Variants in SIX4 observed in about 807,000 individuals in gnomAD.
SIX4 encodes the protein SIX homeobox 4, also known as homeobox protein SIX4.
A neutral mutation model predicts 51.5 loss-of-function variants in SIX4; 23 were observed. The observed-to-expected ratio is 0.45, with a 90% CI of 0.32 to 0.63. The LOEUF is 0.63. SIX4 is among the 30% of genes least tolerant of loss of function. The pLI, the probability that SIX4 is intolerant of heterozygous loss-of-function variation, is 0.04. For missense variants in SIX4, 867 were observed against 984.0 expected (o/e 0.88, Z 1.59); for synonymous variants, 413 against 417.3 (o/e 0.99, Z 0.13).
In SIX4 at chr14:60,719,580, A is replaced by G. The variant is rs1341449605; in HGVS notation, c.1549+180T>C. Among the ~76,000 whole-genome samples, 1 of 152,204 alleles carries G rather than the reference A, an allele frequency of 6.6e-6. No homozygotes were observed. Among genetic ancestry groups the G allele is most frequent in the Non-Finnish European group, 1.5e-5 (1 of 68,038 alleles). On this transcript the variant is annotated intron_variant, in intron 2 of 2. Coordinates refer to ENST00000216513, the MANE Select transcript of SIX4 (RefSeq NM_017420.5). This position sits in a 1 kb window ranked among gnomAD's most constrained non-coding sequence, Gnocchi z 4.9. ...CCTCATGATGCAAGGGAATAAAGCA[A>G]CCTGGATATGACATGGGTATTGTGA... is the stretch of plus-strand genomic sequence containing the variant.
chr14:60,723,800 C>T lies in SIX4; in HGVS notation c.275G>A (p.Gly92Asp). 2 of 1,537,440 alleles carry T rather than the reference C, an allele frequency of 1.3e-6. No individual in the cohort carries two copies. Among genetic ancestry groups the T allele is most frequent in the Non-Finnish European group, 1.7e-6 (2 of 1,148,004 alleles). Residue 92 changes from glycine (G) to aspartate (D), a missense_variant, in exon 1 of 3, where the codon GGC becomes GAC. By Grantham distance (94) the Gly-to-Asp change is moderately conservative. Transcript: ENST00000216513. ...GGCGGCGGCGGCGTGGTGGTGCCTG[C>T]CCAGAAGTTCCGAGTGGAGTTGTAC... Reference protein sequence around the residue: ...DQVQLHSELLGRHHHAAAAAA... With the variant: ...DQVQLHSELLDRHHHAAAAAA...
Position 60,724,273 on chromosome 14 carries a change from G to A in SIX4, c.-199C>T, listed in dbSNP as rs1211839156. 6.5e-7 allele frequency: 1 copy of A among 1,532,788 alleles called. No homozygotes were observed. The highest frequency in any genetic ancestry group is 2.5e-5 in the East Asian group (1 of 40,758). The allele number at this position is 1,532,788 out of a possible 1,614,324, so 94.9% of individuals were successfully genotyped here. A position where few individuals can be genotyped will look rare whatever the true frequency, so the allele number is the denominator to read the frequency against. On this transcript the variant is annotated 5_prime_UTR_variant, in exon 1 of 3. Coordinates refer to ENST00000216513, the MANE Select transcript of SIX4 (RefSeq NM_017420.5). ...GCAGTCACCATTAAGATAGCTGTTA[G>A]AGCAAAGTAGTGTAAACGGATAGCT... is the stretch of plus-strand genomic sequence containing the variant.
At position 60,723,592 on chromosome 14, in the gene SIX4, G is replaced by C; in HGVS notation, c.483C>G (p.Ile161Met). 2 of 1,611,222 alleles carry C rather than the reference G, an allele frequency of 1.2e-6. No individual in the cohort carries two copies. ...ARALVAFHQG[I>M]YPELYSILES... ...CGAGGATGCTGTAGAGCTCGGGGTA[G>C]ATGCCCTGGTGGAAGGCCACGAGCG... Residue 161 changes from isoleucine (I) to methionine (M), a missense_variant, in exon 1 of 3, where the codon ATC becomes ATG. Ile to Met is a conservative substitution (Grantham distance 10). Coordinates refer to ENST00000216513, the MANE Select transcript of SIX4 (RefSeq NM_017420.5).
rs1344710464 is a variant in SIX4, at chr14:60,709,808, A to G, written c.*3599T>C. The G allele has an allele frequency of 6.6e-6, 1 of 152,648 alleles. No homozygotes were observed. Among genetic ancestry groups the G allele is most frequent in the Non-Finnish European group, 1.5e-5 (1 of 68,030 alleles). The allele number at this position is 152,648 out of a possible 1,614,324, so 9.5% of individuals were successfully genotyped here. ...AGTTTCTCTTTGTGTAAGGCACAGT[A>G]AAACCATATTGAGTATATAATTGGT... is the stretch of plus-strand genomic sequence containing the variant. On this transcript the variant is annotated 3_prime_UTR_variant, in exon 3 of 3. Coordinates refer to ENST00000216513, the MANE Select transcript of SIX4 (RefSeq NM_017420.5). The surrounding 1 kb of genome is among the most constrained non-coding windows in gnomAD (Gnocchi z 4.1).
At position 60,722,817 on chromosome 14, in the gene SIX4, G is replaced by A. The variant is rs1405448215; in HGVS notation, c.863+395C>T. 6.6e-6 allele frequency among the ~76,000 whole-genome samples: 1 copy of A among 152,016 alleles called. No homozygotes were observed. The highest frequency in any genetic ancestry group is 6.5e-5 in the Admixed American group (1 of 15,278). ...CGCCGGCAGTCTCTGCGGGCCTCGG[G>A]CGGCAGGGAGAGCTACGGTGCCGGT... On this transcript the variant is annotated intron_variant, in intron 1 of 2. Transcript: ENST00000216513. This position sits in a 1 kb window ranked among gnomAD's most constrained non-coding sequence, Gnocchi z 5.9.
At chr14:60,714,807 A>C (rs918282504) in intron 2 of SIX4, among the ~76,000 whole-genome samples, 2 of 151,532 alleles carry the variant, frequency 1.3e-5, no homozygotes, top group Admixed American at 1.3e-4. Flanking sequence ...CTGTGACTAT[A>C]GGCATGCGCC....
rs778344422 is a variant in SIX4, at chr14:60,720,298, T to C, written c.1011A>G (p.Gly337=). 6.2e-7 allele frequency: 1 copy of C among 1,614,214 alleles called. No individual in the cohort carries two copies. Among genetic ancestry groups the C allele is most frequent in the East Asian group, 2.2e-5 (1 of 44,888 alleles). The change falls in exon 2 of 3, where the codon GGA becomes GGG. Residue 337 remains glycine (G), a synonymous_variant. Coordinates refer to ENST00000216513, the MANE Select transcript of SIX4 (RefSeq NM_017420.5). This position sits in a 1 kb window ranked among gnomAD's most constrained non-coding sequence, Gnocchi z 5.5. The part of the protein sequence containing the change: ...HMEPVYMQQI[G]NAKISLSSSG... Reference sequence around the variant, plus strand: ...AAGAGCTTAATGATATCTTAGCATTTCCAATTTGTTGCATATATACTGGCT... The same window carrying C: ...AAGAGCTTAATGATATCTTAGCATTCCCAATTTGTTGCATATATACTGGCT...
Position 60,720,517 on chromosome 14 carries a change from G to A in SIX4, c.864-72C>T. The A allele has an allele frequency of 7.1e-7, 1 of 1,415,852 alleles. No individual in the cohort carries two copies. Among genetic ancestry groups the A allele is most frequent in the Non-Finnish European group, 9.6e-7 (1 of 1,041,706 alleles). 87.7% of individuals were successfully genotyped at this position (1,415,852 alleles called of 1,614,324 possible). On this transcript the variant is annotated intron_variant, in intron 1 of 2. Coordinates refer to ENST00000216513, the MANE Select transcript of SIX4 (RefSeq NM_017420.5). The surrounding 1 kb of genome is among the most constrained non-coding windows in gnomAD (Gnocchi z 5.5). ...CATTCTACACAGTGCCACTTGTTTGGAAAACCAGCTTCTAAATCCATTAAA... is the reference window on the plus strand; with the variant it reads ...CATTCTACACAGTGCCACTTGTTTGAAAAACCAGCTTCTAAATCCATTAAA...
rs11847871 is a variant in SIX4, at chr14:60,711,309, C to A, written c.*2098G>T. ...GTTTAGGAACATTCACCAATTCTATCAAAAATGATGTAGTTCTTTATCAAA... is the reference window on the plus strand; with the variant it reads ...GTTTAGGAACATTCACCAATTCTATAAAAAATGATGTAGTTCTTTATCAAA... On this transcript the variant is annotated 3_prime_UTR_variant, in exon 3 of 3. Transcript: ENST00000216513. 133,806 of 152,084 alleles carry A rather than the reference C, an allele frequency of 0.88. 60,138 individuals are homozygous for A. The highest frequency in any genetic ancestry group is 0.98 in the Non-Finnish European group (66,463 of 68,012). 9.4% of individuals were successfully genotyped at this position (152,084 alleles called of 1,614,324 possible). A position where few individuals can be genotyped will look rare whatever the true frequency, so the allele number is the denominator to read the frequency against.
At chr14:60,721,282 G>T in intron 1 of SIX4, 56 of 331,592 alleles carry the variant, frequency 1.7e-4, no homozygotes, top group Non-Finnish European at 2.1e-4. Flanking sequence ...CCAAATCGGG[G>T]TTGGGGGGTG....
At position 60,722,769 on chromosome 14, in the gene SIX4, G is replaced by A. The variant is rs1234975708; in HGVS notation, c.863+443C>T. ...CGCGCGCCAGGCCCGGTGTGACCTCGCGGAGGTGCAGACCCCGGCCGGCGC... is the reference window on the plus strand; with the variant it reads ...CGCGCGCCAGGCCCGGTGTGACCTCACGGAGGTGCAGACCCCGGCCGGCGC... On this transcript the variant is annotated intron_variant, in intron 1 of 2. Coordinates refer to ENST00000216513, the MANE Select transcript of SIX4 (RefSeq NM_017420.5). The surrounding 1 kb of genome is among the most constrained non-coding windows in gnomAD (Gnocchi z 5.9). Among the ~76,000 whole-genome samples, 1 of 152,010 alleles carries A rather than the reference G, an allele frequency of 6.6e-6. No individual in the cohort carries two copies. The highest frequency in any genetic ancestry group is 2.4e-5 in the African/African-American group (1 of 41,414).
intron 1 of SIX4, 27 bp downstream of exon 1, chr14:60,723,185 G>C (rs1896062766): frequency 6.3e-7 from 1 of 1,575,106 alleles, no homozygotes; most frequent in African/African-American, 1.4e-5. Flanking sequence ...GAGAGGAAGG[G>C]GGAGGAGGAG....
chr14:60,715,726 T>G (rs1038495777), intron 2 of SIX4, among the ~76,000 whole-genome samples: 31 of 152,182 alleles, frequency 2.0e-4, no homozygotes, highest in Non-Finnish European at 2.6e-4. Flanking sequence ...AATAACACTC[T>G]TTTGTTCCTG....
intron 2 of SIX4, among the ~76,000 whole-genome samples, chr14:60,716,301 G>A (rs1335581725): frequency 6.6e-6 from 1 of 152,000 alleles, no homozygotes; most frequent in African/African-American, 2.4e-5. Context: ...CACCCAGGCT[G>A]GAGTGCGGTG....
chr14:60,724,224 C>A lies in SIX4; in HGVS notation c.-150G>T. 6.5e-7 allele frequency: 1 copy of A among 1,547,718 alleles called. No homozygotes were observed. Among genetic ancestry groups the A allele is most frequent in the Non-Finnish European group, 8.7e-7 (1 of 1,153,136 alleles). On this transcript the variant is annotated 5_prime_UTR_variant, in exon 1 of 3. Transcript: ENST00000216513. ...CCCTCCTGGTTTCGGCTGTATCTGGCCGATCAGGTTTCCCCCCGGCCACGC... is the reference window on the plus strand; with the variant it reads ...CCCTCCTGGTTTCGGCTGTATCTGGACGATCAGGTTTCCCCCCGGCCACGC...
rs746983349 is a variant in SIX4, at chr14:60,723,672, A to C, written c.403T>G (p.Ser135Ala). The change falls in exon 1 of 3, where the codon TCC becomes GCC. Residue 135 changes from serine (S) to alanine (A), a missense_variant. Ser to Ala is a moderately conservative substitution (Grantham distance 99). Transcript: ENST00000216513. The part of the protein sequence containing the change: ...NLDRLARFLW[S>A]LPQSDLLRGN... ...CGTAGCAGGTCGCTCTGGGGCAGGG[A>C]CCACAGGAACCGGGCCAGGCGGTCC... 1.6e-5 allele frequency: 25 copies of C among 1,580,042 alleles called. No homozygotes were observed. The highest frequency in any genetic ancestry group is 2.1e-5 in the Non-Finnish European group (25 of 1,164,616).
chr14:60,723,855 C>T lies in SIX4; in HGVS notation c.220G>A (p.Ala74Thr). The change falls in exon 1 of 3, where the codon GCG (alanine) becomes ACG (threonine). Residue 74 changes from alanine (A) to threonine (T), a missense_variant. Physicochemically the swap from Ala to Thr is moderately conservative, Grantham distance 58. Coordinates refer to ENST00000216513, the MANE Select transcript of SIX4 (RefSeq NM_017420.5). ...TCCGCCGCCGCTCCGGCCGCCGCCG[C>T]CGCCACTGCCCCTTCCTCTCCGCTC... is the stretch of plus-strand genomic sequence containing the variant. Reference protein sequence around the residue: ...RVSGEEGAVAAAAAGAAADQV... With the variant: ...RVSGEEGAVATAAAGAAADQV... 1 of 1,536,144 alleles carries T rather than the reference C, an allele frequency of 6.5e-7. No individual in the cohort carries two copies. The highest frequency in any genetic ancestry group is 1.2e-5 in the South Asian group (1 of 83,372).
chr14:60,714,407 A>C (rs1338975414), intron 2 of SIX4, among the ~76,000 whole-genome samples: 1 of 152,126 alleles, frequency 6.6e-6, no homozygotes, highest in African/African-American at 2.4e-5. Context: ...GTAACTTAGT[A>C]CATCTTAGAA....
In SIX4 at chr14:60,723,937, C is replaced by T. The variant is rs1413429614; in HGVS notation, c.138G>A (p.Pro46=). Residue 46 remains proline, a synonymous_variant, in exon 1 of 3, where the codon CCG becomes CCA. Coordinates refer to ENST00000216513, the MANE Select transcript of SIX4 (RefSeq NM_017420.5). ...AGGAAVGLSP[P]APAPFPLEPG... is the part of the protein sequence containing the mutation. ...GCTCCAGGGGAAAAGGGGCTGGAGC[C>T]GGGGGGCTCAGCCCTACCGCCGCGC... 1 of 1,509,384 alleles carries T rather than the reference C, an allele frequency of 6.6e-7. No individual in the cohort carries two copies. Among genetic ancestry groups the T allele is most frequent in the South Asian group, 1.3e-5 (1 of 74,316 alleles). 93.5% of individuals were successfully genotyped at this position (1,509,384 alleles called of 1,614,324 possible).
Sources: gnomAD v4.1 joint callset for allele counts (sites outside exome capture counted in the v4.1 genomes callset) on GRCh38, gnomAD v4.1.1 for gene constraint, Gnocchi (gnomAD v3.1) non-coding constraint, MANE v1.5 for transcripts, NCBI Gene and HGNC (gene_info 2026-07-23, HGNC 2026-07-21) for gene names.